Variants in MYO1F observed in about 807,000 individuals in gnomAD.
MYO1F encodes the protein unconventional myosin-If.
Under a neutral mutation model 146.6 loss-of-function variants are expected in MYO1F, and 60 were observed. That is an observed-to-expected ratio of 0.41 (90% CI 0.33 to 0.51). The LOEUF is 0.51. MYO1F is among the 20% of genes least tolerant of loss of function. The pLI, the probability that MYO1F is intolerant of heterozygous loss-of-function variation, is 0.25. For synonymous variants in MYO1F, 602 were observed against 602.1 expected, an observed-to-expected ratio of 1.00 and a Z score of 0.00; for missense variants, 1,274 against 1,534.3, an observed-to-expected ratio of 0.83 and a Z score of 2.83.
At position 8,557,781 on chromosome 19, in the gene MYO1F, C is replaced by T. The variant is rs1197851797; in HGVS notation, c.4-1985G>A. The stretch of plus-strand genomic sequence containing the variant: ...GGAAGTGGGCGCATCCCAGTTCTCA[C>T]TTCCTGCCAGCCTCCCAGCCTCTCC... On this transcript the variant is annotated intron_variant, in intron 1 of 27. Coordinates refer to ENST00000644032, the MANE Select transcript of MYO1F (RefSeq NM_012335.4). Among the ~76,000 whole-genome samples, 4 of 152,202 alleles carry T rather than the reference C, an allele frequency of 2.6e-5. No homozygotes were observed. The East Asian group carries it at 7.7e-4, about 29-fold the overall frequency.
intron 1 of MYO1F, among the ~76,000 whole-genome samples, chr19:8,568,447 T>TAAAAA (rs2042049292): frequency 4.0e-5 from 4 of 100,668 alleles, no homozygotes; most frequent in African/African-American, 1.7e-4. Context: ...AAAAAAAAAT[T>TAAAAA]AATCACAGGC....
rs117727578 is a variant in MYO1F at position 8,550,157 on chromosome 19, C to G, written c.1101+3G>C. 1 of 1,613,782 alleles carries G rather than the reference C, an allele frequency of 6.2e-7. No individual in the cohort carries two copies. The highest frequency in any genetic ancestry group is 8.5e-7 in the Non-Finnish European group (1 of 1,180,044). ...TCTGCCTTCCAGCCCCAGCCCCACTCGCCTCCACGAGGAAGTCGAAGAGGC... is the reference window on the plus strand; with the variant it reads ...TCTGCCTTCCAGCCCCAGCCCCACTGGCCTCCACGAGGAAGTCGAAGAGGC... On this transcript the variant is annotated splice_donor_region_variant and intron_variant, in intron 10 of 27. Coordinates refer to ENST00000644032, the MANE Select transcript of MYO1F (RefSeq NM_012335.4).
chr19:8,528,623 G>C (rs1021591422), intron 21 of MYO1F, among the ~76,000 whole-genome samples: 3 of 152,158 alleles, frequency 2.0e-5, no homozygotes, highest in East Asian at 1.9e-4. Flanking sequence ...TTGGTTGGTT[G>C]GTTGGCTAGA....
intron 25 of MYO1F, among the ~76,000 whole-genome samples, chr19:8,524,245 C>T (rs1972174799): frequency 6.6e-6 from 1 of 151,474 alleles, no homozygotes; most frequent in Non-Finnish European, 1.5e-5. Flanking sequence ...ATGGTGAAAC[C>T]TTGTCTCTAC....
chr19:8,557,135 A>G (rs1177007987), intron 1 of MYO1F, among the ~76,000 whole-genome samples: 1 of 152,008 alleles, frequency 6.6e-6, no homozygotes, highest in Admixed American at 6.6e-5. Context: ...AAAAATAGAA[A>G]AATTAGACGA....
intron 14 of MYO1F, 84 bp from the exon 15 acceptor site, chr19:8,542,075 T>A: frequency 9.3e-7 from 1 of 1,080,288 alleles, no homozygotes; most frequent in Non-Finnish European, 1.4e-6. Context: ...GCCCAGGTGG[T>A]CAAGGCTTTC....
chr19:8,564,211 T>G (rs1211954789), intron 1 of MYO1F, among the ~76,000 whole-genome samples: 1 of 151,870 alleles, frequency 6.6e-6, no homozygotes, highest in Admixed American at 6.6e-5. Flanking sequence ...TGAAACCCCG[T>G]CTCTACTAAA....
intron 1 of MYO1F, among the ~76,000 whole-genome samples, chr19:8,576,204 G>T (rs573787779): frequency 3.9e-5 from 6 of 152,232 alleles, no homozygotes; most frequent in African/African-American, 1.2e-4. Context: ...TCACCACGTT[G>T]GCCAGGCTGG....
At position 8,550,544 on chromosome 19, in the gene MYO1F, C is replaced by G; in HGVS notation, c.904+18G>C. On this transcript the variant is annotated intron_variant, in intron 9 of 27. Transcript: ENST00000644032. ...ACCCACAGGCCTCCATCCAGCCCTCCCTGATACCCACACTCACGGTCCACA... is the reference window on the plus strand; with the variant it reads ...ACCCACAGGCCTCCATCCAGCCCTCGCTGATACCCACACTCACGGTCCACA... 6.2e-7 allele frequency: 1 copy of G among 1,614,146 alleles called. No homozygotes were observed. The highest frequency in any genetic ancestry group is 1.3e-5 in the African/African-American group (1 of 75,060).
At position 8,554,720 on chromosome 19, in the gene MYO1F, G is replaced by A; in HGVS notation, c.165C>T (p.Ile55=). Residue 55 remains isoleucine, a synonymous_variant, in exon 3 of 28, where the codon ATC becomes ATT. Transcript: ENST00000644032. ...YIFTYIGSVL[I]SVNPFKQMPY... is the part of the protein sequence containing the mutation. ...GCATCTGCTTGAAGGGGTTTACAGA[G>A]ATGAGCACAGAGCCGATGTAGGTCT... 3 of 1,613,968 alleles carry A rather than the reference G, an allele frequency of 1.9e-6. No individual in the cohort carries two copies. The highest frequency in any genetic ancestry group is 2.5e-6 in the Non-Finnish European group (3 of 1,180,006).
At chr19:8,549,321 G>A (rs1343841492) in intron 10 of MYO1F, among the ~76,000 whole-genome samples, 1 of 151,594 alleles carries the variant, frequency 6.6e-6, no homozygotes, top group African/African-American at 2.4e-5. Flanking sequence ...GTCCAGGCTG[G>A]AGTGTAGTGG....
In MYO1F at chr19:8,543,801, CTGGTGGTGCTGGTGGTGGTGGTGGTGG is replaced by C. The variant is rs1973147249; in HGVS notation, c.1524+469_1524+495del. ...GCTGGTGGTGCTGGTGGTGGTGGTG[CTGGTGGTGCTGGTGGTGGTGGTGGTGG>C]TGGTGGTGGTGGTGGTGGTGGTGGT... On this transcript the variant is annotated intron_variant, in intron 14 of 27. Coordinates refer to ENST00000644032, the MANE Select transcript of MYO1F (RefSeq NM_012335.4). Among the ~76,000 whole-genome samples, 4 of 10,958 alleles carry C rather than the reference CTGGTGGTGCTGGTGGTGGTGGTGGTGG, an allele frequency of 3.7e-4. 1 individual carries two copies. The highest frequency in any genetic ancestry group is 2.2e-3 in the African/African-American group (4 of 1,802). The allele number at this position is 10,958 out of a possible 152,430, so 7.2% of individuals were successfully genotyped here. A position where few individuals can be genotyped will look rare whatever the true frequency, so the allele number is the denominator to read the frequency against.
In MYO1F at chr19:8,550,550, A is replaced by G. The variant is rs1176205145; in HGVS notation, c.904+12T>C. 6.2e-7 allele frequency: 1 copy of G among 1,613,786 alleles called. No individual in the cohort carries two copies. Among genetic ancestry groups the G allele is most frequent in the African/African-American group, 1.3e-5 (1 of 74,828 alleles). ...AGGCCTCCATCCAGCCCTCCCTGAT[A>G]CCCACACTCACGGTCCACACTCTCC... On this transcript the variant is annotated intron_variant, in intron 9 of 27. Transcript: ENST00000644032.
In MYO1F at chr19:8,539,888, G is replaced by C; in HGVS notation, c.1692+59C>G. 4 of 1,461,432 alleles carry C rather than the reference G, an allele frequency of 2.7e-6. No individual in the cohort carries two copies. In the East Asian group the frequency reaches 9.2e-5, roughly 34 times the overall value. The allele number at this position is 1,461,432 out of a possible 1,614,324, so 90.5% of individuals were successfully genotyped here. A position where few individuals can be genotyped will look rare whatever the true frequency, so the allele number is the denominator to read the frequency against. ...TGAGAGAAACAGAGTCCGGACCCCAGGTAGGGTGGAACTCAGCCCTCTGCA... is the reference window on the plus strand; with the variant it reads ...TGAGAGAAACAGAGTCCGGACCCCACGTAGGGTGGAACTCAGCCCTCTGCA... On this transcript the variant is annotated intron_variant, in intron 16 of 27. Coordinates refer to ENST00000644032, the MANE Select transcript of MYO1F (RefSeq NM_012335.4).
At chr19:8,542,632 G>T (rs1420398904) in intron 14 of MYO1F, among the ~76,000 whole-genome samples, 3 of 147,136 alleles carry the variant, frequency 2.0e-5, no homozygotes, top group South Asian at 2.3e-4. Context: ...AAAGAGTCTT[G>T]CTCTATCACC....
rs569819927 is a variant in MYO1F at position 8,553,892 on chromosome 19, A to ACTCTCTCTCTCTCTCTCT, written c.327-456_327-455insAGAGAGAGAGAGAGAGAG. Among the ~76,000 whole-genome samples, 923 of 104,978 alleles carry ACTCTCTCTCTCTCTCTCT rather than the reference A, an allele frequency of 8.8e-3. 6 individuals carry two copies. The highest frequency in any genetic ancestry group is 0.012 in the Non-Finnish European group (632 of 50,676). The allele number at this position is 104,978 out of a possible 152,430, so 68.9% of individuals were successfully genotyped here. On this transcript the variant is annotated intron_variant, in intron 4 of 27. Transcript: ENST00000644032. Reference sequence around the variant, plus strand: ...GTCACACACACACACACACACACACACACTCTCTCTCTCTCTCTCTCTCTC... The same window carrying ACTCTCTCTCTCTCTCTCT: ...GTCACACACACACACACACACACACACTCTCTCTCTCTCTCTCTCACTCTCTCTCTCTCTCTCTCTCTC...
Position 8,527,409 on chromosome 19 carries a change from A to G in MYO1F, c.2403T>C (p.Pro801=), listed in dbSNP as rs555715911. Residue 801 remains proline, a synonymous_variant, in exon 22 of 28, where the codon CCT becomes CCC. Coordinates refer to ENST00000644032, the MANE Select transcript of MYO1F (RefSeq NM_012335.4). ...AGACTTCACACACCTGGCCCTTCTC[A>G]GGTCCCTTCTTCACTTTCTCTCGCC... The part of the protein sequence containing the change: ...VIGREKVKKG[P]EKGQVCEVLK... 3 of 1,613,920 alleles carry G rather than the reference A, an allele frequency of 1.9e-6. No homozygotes were observed. The highest frequency in any genetic ancestry group is 1.7e-5 in the Admixed American group (1 of 59,984).
chr19:8,555,623 C>T, intron 2 of MYO1F, 36 bp downstream of exon 2: 3 of 1,613,730 alleles, frequency 1.9e-6, no homozygotes, highest in Non-Finnish European at 2.5e-6. Flanking sequence ...TTCATTCCTT[C>T]CCTGCCTGCC....
At chr19:8,540,689 G>A (rs1367435886) in intron 15 of MYO1F, among the ~76,000 whole-genome samples, 8 of 150,884 alleles carry the variant, frequency 5.3e-5, no homozygotes, top group Admixed American at 6.6e-5. Context: ...CAGCCTGGGC[G>A]GCAGGGTGAG....
Sources: gnomAD v4.1 joint callset for allele counts (sites outside exome capture counted in the v4.1 genomes callset) on GRCh38, gnomAD v4.1.1 for gene constraint, MANE v1.5 for transcripts, NCBI Gene and HGNC (gene_info 2026-07-23, HGNC 2026-07-21) for gene names.